COG6: variants seen among roughly 807,000 people sequenced by gnomAD.
COG6 encodes conserved oligomeric Golgi complex subunit 6.
A neutral mutation model predicts 88.8 loss-of-function variants in COG6; 74 were observed. That is an observed-to-expected ratio of 0.83 (90% CI 0.69 to 1.01). The LOEUF (loss-of-function observed/expected upper bound fraction) is 1.01, where lower values mean the gene tolerates loss of function less well. COG6 is among the 50% of genes least tolerant of loss of function. COG6 has a pLI of 0.00. For missense variants in COG6, 800 were observed against 797.9 expected (o/e 1.00, Z -0.03); for synonymous variants, 286 against 278.7 (o/e 1.03, Z -0.26).
rs200614971 is a variant in COG6 at position 39,689,860 on chromosome 13, C to T, written c.1074+36C>T. The T allele has an allele frequency of 8.0e-5, 103 of 1,281,482 alleles. No individual in the cohort carries two copies. The East Asian group carries it at 2.3e-3, about 29-fold the overall frequency. The allele number at this position is 1,281,482 out of a possible 1,614,324, so 79.4% of individuals were successfully genotyped here. A position where few individuals can be genotyped will look rare whatever the true frequency, so the allele number is the denominator to read the frequency against. On this transcript the variant is annotated intron_variant, in intron 11 of 18. Transcript: ENST00000455146. ...TTGTTTTTACATATGCTATATGGTA[C>T]CTGCTTAAATTATTACCTTATTTAT... is the stretch of plus-strand genomic sequence containing the variant.
Position 39,655,806 on chromosome 13 carries a change from C to A in COG6, c.80C>A (p.Thr27Asn). The A allele has an allele frequency of 1.9e-6, 3 of 1,599,278 alleles. No homozygotes were observed. Among genetic ancestry groups the A allele is most frequent in the South Asian group, 1.1e-5 (1 of 89,034 alleles). ...ANGLNNGAGGTSATTCNPLSR... is the reference protein window; with the variant it reads ...ANGLNNGAGGNSATTCNPLSR... ...GGCCTCAACAATGGGGCAGGCGGGA[C>A]CTCGGCGACGACCTGCAACCCGCTG... The change falls in exon 1 of 19, where the codon ACC (threonine) becomes AAC (asparagine). Residue 27 changes from threonine to asparagine, a missense_variant. By Grantham distance (65) the Thr-to-Asn change is moderately conservative (BLOSUM62 0). Coordinates refer to ENST00000455146, the MANE Select transcript of COG6 (RefSeq NM_020751.3).
intron 4 of COG6, among the ~76,000 whole-genome samples, chr13:39,673,925 A>G (rs1232965152): frequency 1.3e-5 from 2 of 151,966 alleles, no homozygotes; most frequent in African/African-American, 2.4e-5. Context: ...AATTTTTCTC[A>G]AAAAAGATTA....
At chr13:39,667,040 A>G (rs1875315926) in intron 4 of COG6, among the ~76,000 whole-genome samples, 1 of 152,148 alleles carries the variant, frequency 6.6e-6, no homozygotes. Context: ...TGGAGGTCAG[A>G]TTCTCTCACC....
chr13:39,788,476 A>G (rs943756062), exon 19 of COG6: 5 of 900,784 alleles, frequency 5.6e-6, no homozygotes, highest in Admixed American at 4.2e-5. Flanking sequence ...TGGCTTTGTC[A>G]TCTTCCCCTG....
chr13:39,720,858 A>T (rs2138078385), intron 15 of COG6, among the ~76,000 whole-genome samples: 1 of 152,182 alleles, frequency 6.6e-6, no homozygotes, highest in East Asian at 1.9e-4. Context: ...AAATTTAGTT[A>T]TCTACTGCCA....
intron 18 of COG6, among the ~76,000 whole-genome samples, chr13:39,781,653 A>G (rs886860355): frequency 4.0e-5 from 6 of 151,870 alleles, no homozygotes; most frequent in African/African-American, 1.2e-4. Context: ...TCCCACCCCA[A>G]TTCCCCCATT....
At chr13:39,747,914 C>T (rs750768716) in intron 18 of COG6, among the ~76,000 whole-genome samples, 3 of 152,114 alleles carry the variant, frequency 2.0e-5, no homozygotes. Context: ...TTACAAGTTA[C>T]TCTGAACTTT....
At chr13:39,719,553 C>A in intron 14 of COG6, 107 bp from the exon 15 acceptor site, 1 of 1,226,398 alleles carries the variant, frequency 8.2e-7, no homozygotes, top group Non-Finnish European at 1.2e-6. Context: ...TTCCTACGTG[C>A]TTCTATAAAT....
rs536780768 is a variant in COG6 at position 39,722,395 on chromosome 13, G to A, written c.1585-938G>A. On this transcript the variant is annotated intron_variant, in intron 15 of 18. Coordinates refer to ENST00000455146, the MANE Select transcript of COG6 (RefSeq NM_020751.3). ...CCATACTTGTTCTGATTATTCACAA[G>A]GGCTTTCTTTTAGCTTCCTCACCTC... 7.9e-5 allele frequency among the ~76,000 whole-genome samples: 12 copies of A among 152,014 alleles called. No homozygotes were observed. In the South Asian group the frequency reaches 2.3e-3, roughly 29 times the overall value.
At chr13:39,706,288 T>G (rs1877920821) in intron 13 of COG6, among the ~76,000 whole-genome samples, 1 of 141,798 alleles carries the variant, frequency 7.1e-6, no homozygotes. Context: ...TTTAAATATA[T>G]ATAGAGAGAG....
chr13:39,699,885 A>G (rs1340595062), intron 13 of COG6, among the ~76,000 whole-genome samples: 1 of 151,898 alleles, frequency 6.6e-6, no homozygotes, highest in Non-Finnish European at 1.5e-5. Flanking sequence ...CAGAAGTTGT[A>G]TAATTAAAGC....
chr13:39,783,743 A>T (rs906731009), intron 18 of COG6, among the ~76,000 whole-genome samples: 2 of 152,220 alleles, frequency 1.3e-5, no homozygotes, highest in African/African-American at 4.8e-5. Context: ...AATCTGTCTC[A>T]GTTTAATCTC....
At chr13:39,728,158 C>G (rs1879237511) in intron 18 of COG6, among the ~76,000 whole-genome samples, 1 of 151,902 alleles carries the variant, frequency 6.6e-6, no homozygotes, top group African/African-American at 2.4e-5. Context: ...AACAGCAGTG[C>G]AGTAAGTGTT....
rs566666977 is a variant in COG6, at chr13:39,762,645, T to A, written c.1827-25690T>A. Among the ~76,000 whole-genome samples the A allele has an allele frequency of 3.3e-5, 5 of 151,650 alleles. No individual in the cohort carries two copies. The East Asian group carries it at 9.6e-4, about 29-fold the overall frequency. ...CCCATAAATAAGTACAATTAAAAAA[T>A]AAGTGGAATTGATTTTATATGTTGA... On this transcript the variant is annotated intron_variant, in intron 18 of 18. Transcript: ENST00000416691.
At chr13:39,666,985 G>T (rs1875313817) in intron 4 of COG6, among the ~76,000 whole-genome samples, 1 of 152,116 alleles carries the variant, frequency 6.6e-6, no homozygotes, top group South Asian at 2.1e-4. Context: ...ATAGTTCATT[G>T]AACCTCAGGG....
intron 8 of COG6, among the ~76,000 whole-genome samples, chr13:39,684,312 A>G (rs954961883): frequency 8.2e-6 from 1 of 122,316 alleles, no homozygotes; most frequent in Non-Finnish European, 1.6e-5. Flanking sequence ...GCAGTGACGC[A>G]ATCTCGGCTC....
At chr13:39,704,901 G>A (rs1393051384) in intron 13 of COG6, among the ~76,000 whole-genome samples, 1 of 152,052 alleles carries the variant, frequency 6.6e-6, no homozygotes. Flanking sequence ...GCCATATTTA[G>A]AGTTATTTTT....
Position 39,735,739 on chromosome 13 carries a change from C to T in COG6, c.1826+8191C>T, listed in dbSNP as rs1265020010. ...TTTTTTTTTTTTGGTCTGGGAAAGC[C>T]TTTATTTGTCCTTCATGTTTATAAG... On this transcript the variant is annotated intron_variant, in intron 18 of 18. Coordinates refer to ENST00000455146, the MANE Select transcript of COG6 (RefSeq NM_020751.3). Among the ~76,000 whole-genome samples, 15 of 138,362 alleles carry T rather than the reference C, an allele frequency of 1.1e-4. No homozygotes were observed. In the South Asian group the frequency reaches 1.4e-3, roughly 13 times the overall value. The allele number at this position is 138,362 out of a possible 152,430, so 90.8% of individuals were successfully genotyped here.
chr13:39,724,527 C>G lies in COG6; in HGVS notation c.1712C>G (p.Pro571Arg). ...KPEQGSLANM[P>R]NLDSVTLKAA... is the part of the protein sequence containing the mutation. ...AAATAGGGCTCTTTAGCTAATATGC[C>G]CAACCTAGATTCTGTGACACTGAAG... The change falls in exon 17 of 19, where the codon CCC (proline) becomes CGC (arginine). Residue 571 changes from proline to arginine, a missense_variant. Transcript: ENST00000455146. 6.3e-7 allele frequency: 1 copy of G among 1,598,062 alleles called. No homozygotes were observed. The highest frequency in any genetic ancestry group is 8.6e-7 in the Non-Finnish European group (1 of 1,168,270).
Sources: gnomAD v4.1 joint callset for allele counts (sites outside exome capture counted in the v4.1 genomes callset) on GRCh38, gnomAD v4.1.1 for gene constraint, MANE v1.5 for transcripts, NCBI Gene and HGNC (gene_info 2026-07-23, HGNC 2026-07-21) for gene names.